The following HIVEP3 variants were observed in gnomAD, a reference collection of about 807,000 sequenced individuals.
HIVEP3 encodes the protein HIVEP zinc finger 3, also known as transcription factor HIVEP3.
In HIVEP3, 49 loss-of-function variants were observed where a neutral mutation model predicts 152.8. The ratio of observed to expected loss-of-function variants is 0.32; its 90% CI spans 0.26 to 0.41. The LOEUF (loss-of-function observed/expected upper bound fraction) is 0.41, where lower values mean the gene tolerates loss of function less well. HIVEP3 is among the 10% of genes least tolerant of loss of function. The pLI, the probability that HIVEP3 is intolerant of heterozygous loss-of-function variation, is 1.00. For synonymous variants in HIVEP3, 1,269 were observed against 1,289.0 expected (o/e 0.98, Z 0.33); for missense variants, 2,790 against 3,103.3 (o/e 0.90, Z 2.40).
At chr1:41,735,103 T>C (rs748719789) in intron 1 of HIVEP3, among the ~76,000 whole-genome samples, 11 of 152,202 alleles carry the variant, frequency 7.2e-5, no homozygotes, top group Non-Finnish European at 1.3e-4. Context: ...TCAACAACCC[T>C]TTGCAGAAGG....
At chr1:41,770,601 A>G (rs1225635568) in intron 1 of HIVEP3, among the ~76,000 whole-genome samples, 1 of 152,216 alleles carries the variant, frequency 6.6e-6, no homozygotes, top group Non-Finnish European at 1.5e-5. Flanking sequence ...CACTTCTACC[A>G]TATTTTCCCT....
intron 3 of HIVEP3, among the ~76,000 whole-genome samples, chr1:41,614,883 G>C (rs1200903554): frequency 6.6e-6 from 1 of 152,210 alleles, no homozygotes; most frequent in Non-Finnish European, 1.5e-5. Flanking sequence ...ACTAAGATCT[G>C]AAGGAAATTT....
chr1:41,751,324 A>AT (rs35864189), intron 1 of HIVEP3, among the ~76,000 whole-genome samples: 13,728 of 104,108 alleles, frequency 0.13, 1,775 homozygotes, highest in African/African-American at 0.28. Context: ...ACTGACACAC[A>AT]TTTTTTTTTT....
chr1:41,897,500 G>A (rs1249150127), intron 1 of HIVEP3, among the ~76,000 whole-genome samples: 1 of 152,188 alleles, frequency 6.6e-6, no homozygotes, highest in African/African-American at 2.4e-5. Flanking sequence ...CTTTTCTGAA[G>A]AACAGGCCCT....
At chr1:42,005,344 T>C (rs539720717) in intron 1 of HIVEP3, among the ~76,000 whole-genome samples, 2 of 152,214 alleles carry the variant, frequency 1.3e-5, no homozygotes, top group Non-Finnish European at 2.9e-5. Context: ...CACGCACACA[T>C]ACATATATAT....
chr1:42,006,639 C>T (rs1380433552), intron 1 of HIVEP3, among the ~76,000 whole-genome samples: 3 of 150,164 alleles, frequency 2.0e-5, no homozygotes, highest in African/African-American at 7.4e-5. Context: ...TAATGTCTGG[C>T]TTAATAGAAG....
At chr1:41,514,094 GC>G (rs1160187630) in intron 7 of HIVEP3, among the ~76,000 whole-genome samples, 1 of 152,178 alleles carries the variant, frequency 6.6e-6, no homozygotes. Context: ...TAAGTAACTT[GC>G]CCATGGAAGA....
Position 41,584,862 on chromosome 1 carries a change from C to A in HIVEP3, c.-65G>T. On this transcript the variant is annotated 5_prime_UTR_variant, in exon 4 of 9. Coordinates refer to ENST00000372583, the MANE Select transcript of HIVEP3 (RefSeq NM_024503.5). The surrounding 1 kb of genome is among the most constrained non-coding windows in gnomAD (Gnocchi z 5.2). ...AGGGCGGGCTGCATTTATGAATAAT[C>A]CCAGTGTCCCAAGGAGGTGTCCAGC... 3 of 1,376,558 alleles carry A rather than the reference C, an allele frequency of 2.2e-6. No homozygotes were observed. Among genetic ancestry groups the A allele is most frequent in the Non-Finnish European group, 2.9e-6 (3 of 1,038,806 alleles). The allele number at this position is 1,376,558 out of a possible 1,614,324, so 85.3% of individuals were successfully genotyped here.
intron 1 of HIVEP3, among the ~76,000 whole-genome samples, chr1:41,884,496 G>C (rs1644313376): frequency 6.6e-6 from 1 of 152,180 alleles, no homozygotes; most frequent in Non-Finnish European, 1.5e-5. Flanking sequence ...GGACGTTGGG[G>C]AATGCGGACA....
In HIVEP3 at chr1:41,767,393, A is replaced by C. The variant is rs74071372; in HGVS notation, c.-800-66398T>G. 5.0e-3 allele frequency among the ~76,000 whole-genome samples: 758 copies of C among 152,292 alleles called. 5 individuals are homozygous for C. Among genetic ancestry groups the C allele is most frequent in the African/African-American group, 0.017 (686 of 41,562 alleles). Reference sequence around the variant, plus strand: ...AATTTTCCACAATGGGATCACAGTAAGGTAGGCTCCCCTCCTTTAGGGACA... The same window carrying C: ...AATTTTCCACAATGGGATCACAGTACGGTAGGCTCCCCTCCTTTAGGGACA... On this transcript the variant is annotated intron_variant, in intron 1 of 8. Coordinates refer to ENST00000372583, the MANE Select transcript of HIVEP3 (RefSeq NM_024503.5).
chr1:42,001,306 C>T (rs1256785602), intron 1 of HIVEP3, among the ~76,000 whole-genome samples: 1 of 152,240 alleles, frequency 6.6e-6, no homozygotes, highest in Non-Finnish European at 1.5e-5. Context: ...GTAGCCCCAA[C>T]ATTGTCTATG....
At chr1:41,924,265 G>C (rs1282334684) in intron 1 of HIVEP3, among the ~76,000 whole-genome samples, 1 of 152,184 alleles carries the variant, frequency 6.6e-6, no homozygotes, top group African/African-American at 2.4e-5. Context: ...TGAGCCTCCG[G>C]AGGGAGCATA....
chr1:42,015,404 G>C (rs1482273534), intron 1 of HIVEP3, among the ~76,000 whole-genome samples: 2 of 152,284 alleles, frequency 1.3e-5, no homozygotes, highest in Admixed American at 1.3e-4. Context: ...AGGGGCATGG[G>C]TTTCCTCTGC....
chr1:41,924,857 A>G (rs965971935), intron 1 of HIVEP3, among the ~76,000 whole-genome samples: 6 of 152,200 alleles, frequency 3.9e-5, no homozygotes, highest in African/African-American at 9.7e-5. Context: ...ATGTCCTTCA[A>G]ATATCTGAAG....
chr1:41,771,771 C>T (rs551846158), intron 1 of HIVEP3, among the ~76,000 whole-genome samples: 5 of 152,228 alleles, frequency 3.3e-5, no homozygotes, highest in East Asian at 1.9e-4. Flanking sequence ...CAGGTTCAAG[C>T]GATTCTCCTC....
chr1:41,559,691 C>T (rs186047377), intron 5 of HIVEP3, among the ~76,000 whole-genome samples: 37 of 152,288 alleles, frequency 2.4e-4, no homozygotes, highest in African/African-American at 8.7e-4. Context: ...ATATACTAAG[C>T]GGGGGTCAAG....
chr1:41,615,438 G>A (rs1644953409), intron 3 of HIVEP3, among the ~76,000 whole-genome samples: 1 of 152,246 alleles, frequency 6.6e-6, no homozygotes, highest in Admixed American at 6.5e-5. Flanking sequence ...GAGCTAGAGG[G>A]CACTTAAGTG....
At chr1:41,749,616 C>T (rs770924593) in intron 1 of HIVEP3, among the ~76,000 whole-genome samples, 17 of 152,176 alleles carry the variant, frequency 1.1e-4, no homozygotes, top group Non-Finnish European at 1.0e-4. Context: ...TGCTCTCTGG[C>T]GCGAAATCCT....
rs1418103781 is a variant in HIVEP3 at position 41,721,701 on chromosome 1, C to T, written c.-800-20706G>A. Reference sequence around the variant, plus strand: ...ACTATGAAGGAAGTATCATTATCATCTCTGCTGTACAGAGGAGGAAACTGA... The same window carrying T: ...ACTATGAAGGAAGTATCATTATCATTTCTGCTGTACAGAGGAGGAAACTGA... On this transcript the variant is annotated intron_variant, in intron 1 of 8. Transcript: ENST00000372583. 2.0e-5 allele frequency among the ~76,000 whole-genome samples: 3 copies of T among 152,346 alleles called. No individual in the cohort carries two copies. The East Asian group carries it at 5.8e-4, about 29-fold the overall frequency.
Sources: gnomAD v4.1 joint callset for allele counts (sites outside exome capture counted in the v4.1 genomes callset) on GRCh38, gnomAD v4.1.1 for gene constraint, Gnocchi (gnomAD v3.1) non-coding constraint, MANE v1.5 for transcripts, NCBI Gene and HGNC (gene_info 2026-07-23, HGNC 2026-07-21) for gene names.